The following GPHN variants were observed in gnomAD, a reference collection of about 807,000 sequenced individuals.
GPHN encodes the protein gephyrin.
In GPHN, 17 loss-of-function variants were observed where a neutral mutation model predicts 95.5. That is an observed-to-expected ratio of 0.18 (90% confidence interval 0.12 to 0.27). GPHN has a LOEUF of 0.27. Ranked by LOEUF, GPHN falls within the 10% of genes least tolerant of loss-of-function variation. The pLI, the probability that GPHN is intolerant of heterozygous loss-of-function variation, is 1.00. For missense variants in GPHN, 660 were observed against 978.1 expected, an observed-to-expected ratio of 0.67 and a Z score of 4.34; for synonymous variants, 320 against 322.5, an observed-to-expected ratio of 0.99 and a Z score of 0.08.
intron 9 of GPHN, among the ~76,000 whole-genome samples, chr14:67,009,440 G>A (rs1424913659): frequency 6.6e-6 from 1 of 151,946 alleles, no homozygotes; most frequent in Non-Finnish European, 1.5e-5. Flanking sequence ...TAATGACCCT[G>A]TCAAAAGACT....
At chr14:66,977,610 A>G (rs1449094716) in intron 9 of GPHN, among the ~76,000 whole-genome samples, 1 of 152,178 alleles carries the variant, frequency 6.6e-6, no homozygotes, top group South Asian at 2.1e-4. Flanking sequence ...AATAGTACAC[A>G]CATATATAAG....
At chr14:67,179,532 A>T in intron 21 of GPHN, 46 bp from the exon 22 acceptor site, 1 of 1,059,682 alleles carries the variant, frequency 9.4e-7, no homozygotes, top group East Asian at 2.4e-5. Flanking sequence ...TTTTTGTGAG[A>T]TGATCAGGTG....
chr14:66,771,741 A>T (rs1245188546), intron 2 of GPHN, among the ~76,000 whole-genome samples: 2 of 101,058 alleles, frequency 2.0e-5, no homozygotes, highest in African/African-American at 8.0e-5. Flanking sequence ...CCACCCCACA[A>T]CAGTCCCCAG....
the GPHN span, chr14:67,662,517 A>G: frequency 6.2e-7 from 1 of 1,611,544 alleles, no homozygotes; most frequent in Non-Finnish European, 8.5e-7. Flanking sequence ...AAAATCCCTG[A>G]TCAATTTCTT....
At chr14:67,010,660 A>T (rs1594806763) in intron 9 of GPHN, among the ~76,000 whole-genome samples, 1 of 152,264 alleles carries the variant, frequency 6.6e-6, no homozygotes, top group East Asian at 1.9e-4. Flanking sequence ...AATTTTTCCA[A>T]GTAGGAATTT....
chr14:67,164,446 C>T (rs1011065316), intron 19 of GPHN, among the ~76,000 whole-genome samples: 3 of 152,004 alleles, frequency 2.0e-5, no homozygotes, highest in Admixed American at 6.6e-5. Flanking sequence ...TTAAAAAATA[C>T]TCATTTTGAA....
chr14:66,510,426 T>C (rs1050812216), intron 1 of GPHN, among the ~76,000 whole-genome samples: 2 of 152,252 alleles, frequency 1.3e-5, no homozygotes, highest in Admixed American at 1.3e-4. Flanking sequence ...CTTACCTTTG[T>C]GAAGTGACAT....
intron 1 of GPHN, among the ~76,000 whole-genome samples, chr14:66,574,305 C>T (rs540810175): frequency 6.6e-6 from 1 of 152,288 alleles, no homozygotes; most frequent in East Asian, 1.9e-4. Context: ...CTTTCCCCCA[C>T]ATTTTCTGTT....
the GPHN span, among the ~76,000 whole-genome samples, chr14:67,584,672 C>A: frequency 6.6e-6 from 1 of 152,190 alleles, no homozygotes; most frequent in Admixed American, 6.5e-5. Context: ...GCCATTCATT[C>A]ATTCAACAAA....
intron 17 of GPHN, among the ~76,000 whole-genome samples, chr14:67,132,958 T>A (rs2079816787): frequency 6.6e-6 from 1 of 152,034 alleles, no homozygotes; most frequent in South Asian, 2.1e-4. Flanking sequence ...TCTAACTTTT[T>A]TTCACTGATG....
chr14:67,060,667 A>G (rs1319958317), intron 11 of GPHN, among the ~76,000 whole-genome samples: 1 of 152,230 alleles, frequency 6.6e-6, no homozygotes, highest in Non-Finnish European at 1.5e-5. Context: ...AGATGGGTAA[A>G]TTAATGTGGT....
At chr14:67,104,248 G>A (rs952293110) in intron 13 of GPHN, among the ~76,000 whole-genome samples, 2 of 152,214 alleles carry the variant, frequency 1.3e-5, no homozygotes, top group African/African-American at 4.8e-5. Context: ...TCTTTTTAAC[G>A]TGCTGCTGGA....
chr14:67,258,044 G>C, the GPHN span, among the ~76,000 whole-genome samples: 1 of 151,674 alleles, frequency 6.6e-6, no homozygotes, highest in Admixed American at 6.6e-5. Context: ...TAAATGTTTG[G>C]CAATAGGTAG....
chr14:66,696,936 T>G (rs2068137452), intron 2 of GPHN, among the ~76,000 whole-genome samples: 1 of 152,226 alleles, frequency 6.6e-6, no homozygotes, highest in Non-Finnish European at 1.5e-5. Flanking sequence ...AATATTTAAG[T>G]CACTTTTTAA....
At chr14:66,595,021 T>C (rs1011761027) in intron 1 of GPHN, among the ~76,000 whole-genome samples, 9 of 152,172 alleles carry the variant, frequency 5.9e-5, no homozygotes, top group South Asian at 2.1e-4. Context: ...ATAAGACATA[T>C]AATTGGCCAA....
At chr14:67,555,872 G>GAAC in the GPHN span, 1 of 1,613,652 alleles carries the variant, frequency 6.2e-7, no homozygotes, top group East Asian at 2.2e-5. Context: ...AGAGAGCAGA[G>GAAC]AACGCTGAGA....
At chr14:67,230,945 T>C in the GPHN span, among the ~76,000 whole-genome samples, 22 of 152,356 alleles carry the variant, frequency 1.4e-4, no homozygotes, top group South Asian at 4.6e-3. Flanking sequence ...CCATCCCACC[T>C]GGAACAGGAA....
At chr14:66,732,011 A>G (rs916388013) in intron 2 of GPHN, among the ~76,000 whole-genome samples, 2 of 152,162 alleles carry the variant, frequency 1.3e-5, no homozygotes, top group Non-Finnish European at 2.9e-5. Flanking sequence ...AGAAGTCAAG[A>G]ATTGAGTTTT....
intron 3 of GPHN, among the ~76,000 whole-genome samples, chr14:66,812,574 A>C (rs1390646834): frequency 6.6e-6 from 1 of 152,242 alleles, no homozygotes; most frequent in Admixed American, 6.5e-5. Context: ...AGGAAATCTT[A>C]GCAGAAAAAA....
Sources: gnomAD v4.1 joint callset for allele counts (sites outside exome capture counted in the v4.1 genomes callset) on GRCh38, gnomAD v4.1.1 for gene constraint, MANE v1.5 for transcripts, NCBI Gene and HGNC (gene_info 2026-07-23, HGNC 2026-07-21) for gene names.